The following PDE4D variants were observed in gnomAD, a reference collection of about 807,000 sequenced individuals.
PDE4D encodes the protein phosphodiesterase 4D, also known as 3',5'-cyclic-AMP phosphodiesterase 4D.
Under a neutral mutation model 87.4 loss-of-function variants are expected in PDE4D, and 24 were observed. That is an observed-to-expected ratio of 0.27 (90% CI 0.20 to 0.39). The LOEUF is 0.39. Ranked by LOEUF, PDE4D falls within the 10% of genes least tolerant of loss-of-function variation. The pLI is 1.00. For synonymous variants in PDE4D, 384 were observed against 383.2 expected (o/e 1.00, Z -0.02); for missense variants, 714 against 1,041.0 (o/e 0.69, Z 4.32).
intron 1 of PDE4D, among the ~76,000 whole-genome samples, chr5:59,278,390 T>G (rs1765217493): frequency 6.6e-6 from 1 of 152,116 alleles, no homozygotes; most frequent in South Asian, 2.1e-4. Context: ...CCCATGCTTT[T>G]GATCCAGAAG....
intron 1 of PDE4D, among the ~76,000 whole-genome samples, chr5:59,352,283 C>T (rs1460464303): frequency 6.6e-6 from 1 of 152,150 alleles, no homozygotes; most frequent in Non-Finnish European, 1.5e-5. Context: ...TAATTACACT[C>T]ATCTTTTTCA....
intron 1 of PDE4D, among the ~76,000 whole-genome samples, chr5:59,754,880 G>A (rs1268850063): frequency 7.3e-6 from 1 of 136,250 alleles, no homozygotes; most frequent in Non-Finnish European, 1.5e-5. Context: ...GGAAAACAGA[G>A]TACCAACATA....
At chr5:60,315,137 T>C (rs1755438935) in intron 1 of PDE4D, among the ~76,000 whole-genome samples, 2 of 152,306 alleles carry the variant, frequency 1.3e-5, no homozygotes, top group South Asian at 2.1e-4. Context: ...CCACATCCTC[T>C]CCAGCACCTG....
intron 1 of PDE4D, among the ~76,000 whole-genome samples, chr5:59,689,608 A>G (rs1750550681): frequency 6.6e-6 from 1 of 152,214 alleles, no homozygotes; most frequent in Non-Finnish European, 1.5e-5. Flanking sequence ...ACCCACAGCC[A>G]ATATCATACT....
chr5:59,771,503 A>AG (rs1397925968), intron 1 of PDE4D, among the ~76,000 whole-genome samples: 46 of 127,938 alleles, frequency 3.6e-4, no homozygotes, highest in Admixed American at 8.5e-4. Flanking sequence ...GAGAGAGAAG[A>AG]AAGAAAGAAA....
At chr5:59,671,861 A>C (rs16890086) in intron 1 of PDE4D, among the ~76,000 whole-genome samples, 4,612 of 152,100 alleles carry the variant, frequency 0.03, 237 homozygotes, top group African/African-American at 0.11. Flanking sequence ...AACCCTTTAC[A>C]TTAAAAGCAC....
intron 1 of PDE4D, among the ~76,000 whole-genome samples, chr5:59,483,419 C>T (rs1156954587): frequency 9.9e-5 from 15 of 152,098 alleles, no homozygotes; most frequent in Admixed American, 9.8e-4. Context: ...TCTGGAATTC[C>T]ATAAAAAATA....
At chr5:59,566,260 A>G (rs1820859137) in intron 1 of PDE4D, among the ~76,000 whole-genome samples, 1 of 152,120 alleles carries the variant, frequency 6.6e-6, no homozygotes, top group African/African-American at 2.4e-5. Context: ...GATCTTTAGC[A>G]TGGCCACCAG....
chr5:59,026,883 C>G (rs1237427546), intron 6 of PDE4D, among the ~76,000 whole-genome samples: 1 of 152,160 alleles, frequency 6.6e-6, no homozygotes, highest in Non-Finnish European at 1.5e-5. Flanking sequence ...CACTGTTTCC[C>G]ATTTTTAATG....
At chr5:59,427,402 T>C (rs1795451937) in intron 1 of PDE4D, among the ~76,000 whole-genome samples, 1 of 152,046 alleles carries the variant, frequency 6.6e-6, no homozygotes, top group South Asian at 2.1e-4. Context: ...AAACATTTAT[T>C]ATTTAACCTG....
chr5:59,613,998 A>T (rs559841164), intron 1 of PDE4D, among the ~76,000 whole-genome samples: 1 of 152,296 alleles, frequency 6.6e-6, no homozygotes, highest in South Asian at 2.1e-4. Context: ...TTTTTACAAA[A>T]AAATTTTTCT....
intron 1 of PDE4D, among the ~76,000 whole-genome samples, chr5:59,576,659 C>G (rs1823214838): frequency 6.6e-6 from 1 of 152,058 alleles, no homozygotes; most frequent in Non-Finnish European, 1.5e-5. Context: ...AATGTTAATA[C>G]CTGGTCTCAA....
At chr5:59,792,337 A>AT (rs999902325) in intron 1 of PDE4D, among the ~76,000 whole-genome samples, 5 of 149,524 alleles carry the variant, frequency 3.3e-5, no homozygotes, top group East Asian at 2.0e-4. Flanking sequence ...GTTTACTTTT[A>AT]TTTTTTTTCA....
intron 1 of PDE4D, among the ~76,000 whole-genome samples, chr5:60,509,363 G>T (rs1423491709): frequency 6.6e-6 from 1 of 152,158 alleles, no homozygotes; most frequent in Non-Finnish European, 1.5e-5. Flanking sequence ...TACACATGTG[G>T]CACTGCTTAA....
chr5:60,214,343 G>C (rs1195039429), intron 1 of PDE4D, among the ~76,000 whole-genome samples: 1 of 152,098 alleles, frequency 6.6e-6, no homozygotes, highest in Admixed American at 6.6e-5. Flanking sequence ...AAGGAGACAG[G>C]ATACTTTGAC....
At chr5:60,227,537 A>G (rs1745262208) in intron 1 of PDE4D, among the ~76,000 whole-genome samples, 1 of 138,730 alleles carries the variant, frequency 7.2e-6, no homozygotes, top group Non-Finnish European at 1.6e-5. Context: ...GAGGGAAGGG[A>G]GGAGGAGAGG....
chr5:59,739,144 G>A (rs899657978), intron 1 of PDE4D, among the ~76,000 whole-genome samples: 1 of 152,082 alleles, frequency 6.6e-6, no homozygotes, highest in Non-Finnish European at 1.5e-5. Flanking sequence ...AAAGGGCTGG[G>A]TGCAGTGGCT....
In PDE4D at chr5:59,000,132, GCT is replaced by G. The variant is rs1750190963; in HGVS notation, c.922-6669_922-6668del. ...GCCATTGAATAATGGTATCCCTGCA[GCT>G]CTGAGGCCACCCTGAGAAAAGATGA... On this transcript the variant is annotated intron_variant, in intron 6 of 14. Coordinates refer to ENST00000340635, the MANE Select transcript of PDE4D (RefSeq NM_001104631.2). Among the ~76,000 whole-genome samples, 9 of 152,284 alleles carry G rather than the reference GCT, an allele frequency of 5.9e-5. No homozygotes were observed. The South Asian group carries it at 1.7e-3, about 28-fold the overall frequency.
intron 1 of PDE4D, among the ~76,000 whole-genome samples, chr5:59,323,213 A>C (rs1775032820): frequency 6.6e-6 from 1 of 151,954 alleles, no homozygotes. Context: ...TTCAACTAAA[A>C]TTTTTTTCTT....
Sources: allele counts gnomAD v4.1 joint callset (sites outside exome capture counted in the v4.1 genomes callset), GRCh38; gene constraint gnomAD v4.1.1; transcripts MANE v1.5; gene names NCBI Gene and HGNC (gene_info 2026-07-23, HGNC 2026-07-21).